Variants in SVIL observed in about 807,000 individuals in gnomAD.
SVIL encodes the protein archvillin.
In SVIL, 101 loss-of-function variants were observed where a neutral mutation model predicts 240.4. The observed-to-expected ratio is 0.42, with a 90% CI of 0.36 to 0.50. SVIL has a LOEUF of 0.50. Ranked by LOEUF, SVIL falls within the 20% of genes least tolerant of loss-of-function variation. The pLI, the probability that SVIL is intolerant of heterozygous loss-of-function variation, is 0.01. For synonymous variants in SVIL, 999 were observed against 1,100.0 expected, an observed-to-expected ratio of 0.91 and a Z score of 1.82; for missense variants, 2,512 against 2,818.7, an observed-to-expected ratio of 0.89 and a Z score of 2.46.
intron 1 of SVIL, among the ~76,000 whole-genome samples, chr10:29,612,461 T>C (rs1329128178): frequency 6.6e-6 from 1 of 152,152 alleles, no homozygotes; most frequent in Non-Finnish European, 1.5e-5. Flanking sequence ...GGTGGAATTA[T>C]AGGGGAATCA....
At chr10:29,708,756 C>A (rs1397396392) in intron 1 of SVIL, among the ~76,000 whole-genome samples, 1 of 152,074 alleles carries the variant, frequency 6.6e-6, no homozygotes, top group Non-Finnish European at 1.5e-5. Context: ...GGGAAGCCTG[C>A]TGGGTGTGGG....
chr10:29,618,689 T>C (rs777026641), intron 1 of SVIL, among the ~76,000 whole-genome samples: 10 of 152,162 alleles, frequency 6.6e-5, no homozygotes, highest in Non-Finnish European at 8.8e-5. Flanking sequence ...ACTACTCCTT[T>C]CCTTCCAGGT....
intron 36 of SVIL, among the ~76,000 whole-genome samples, chr10:29,461,253 A>G (rs1944223828): frequency 6.6e-6 from 1 of 152,220 alleles, no homozygotes; most frequent in South Asian, 2.1e-4. Context: ...TGCAGCAGCC[A>G]TAGAGCTCGT....
intron 1 of SVIL, among the ~76,000 whole-genome samples, chr10:29,627,927 A>G (rs1957938554): frequency 1.3e-5 from 2 of 152,260 alleles, no homozygotes; most frequent in Non-Finnish European, 2.9e-5. Flanking sequence ...AATTAAGACT[A>G]TCAGCACAAT....
rs1275775519 is a variant in SVIL at position 29,465,592 on chromosome 10, T to G, written c.6133+3A>C. The G allele has an allele frequency of 6.2e-7, 1 of 1,603,176 alleles. No homozygotes were observed. Among genetic ancestry groups the G allele is most frequent in the Non-Finnish European group, 8.5e-7 (1 of 1,174,374 alleles). ...CAGCATAGCTGCCCCCTGCAGGCCT[T>G]ACCTGGCTGGGGCGCGCTGTACAGA... On this transcript the variant is annotated splice_donor_region_variant and intron_variant, in intron 34 of 37. Transcript: ENST00000355867.
intron 2 of SVIL, 83 bp from the exon 3 acceptor site, chr10:29,563,375 T>A (rs1156898729): frequency 7.8e-6 from 4 of 513,942 alleles, no homozygotes; most frequent in Non-Finnish European, 1.0e-5. Flanking sequence ...AAAATTATGA[T>A]ATTGTTACAC....
intron 1 of SVIL, among the ~76,000 whole-genome samples, chr10:29,626,749 G>A (rs1361255343): frequency 6.6e-6 from 1 of 152,214 alleles, no homozygotes; most frequent in African/African-American, 2.4e-5. Context: ...ATCAGGCTGG[G>A]CGCGGTGGCT....
intron 17 of SVIL, among the ~76,000 whole-genome samples, chr10:29,504,753 G>A (rs1949142833): frequency 6.6e-6 from 1 of 152,188 alleles, no homozygotes; most frequent in African/African-American, 2.4e-5. Flanking sequence ...TGATGGAAAT[G>A]CAAAATGGTA....
chr10:29,648,932 G>A (rs1187851846), intron 3 of SVIL, among the ~76,000 whole-genome samples: 2 of 152,000 alleles, frequency 1.3e-5, no homozygotes, highest in Admixed American at 1.3e-4. Flanking sequence ...CAGCCCAGGA[G>A]TTTGAGACCA....
rs556196453 is a variant in SVIL at position 29,581,162 on chromosome 10, T to C, written c.-200-11850A>G. Among the ~76,000 whole-genome samples the C allele has an allele frequency of 1.3e-4, 20 of 152,374 alleles. No homozygotes were observed. The South Asian group carries it at 4.1e-3, about 32-fold the overall frequency. On this transcript the variant is annotated intron_variant, in intron 1 of 37. Transcript: ENST00000355867. ...TTTCATAGCCCAGTAAAGGAGCATT[T>C]TGTATGCTAGCAACAGCCATAAATG...
chr10:29,630,741 T>C (rs1186746624), intron 1 of SVIL, among the ~76,000 whole-genome samples: 1 of 151,648 alleles, frequency 6.6e-6, no homozygotes, highest in Non-Finnish European at 1.5e-5. Context: ...TGCATTGTCA[T>C]AGATGAAGGA....
At chr10:29,491,168 T>A in intron 21 of SVIL, 149 bp from the exon 22 acceptor site, 1 of 934,066 alleles carries the variant, frequency 1.1e-6, no homozygotes, top group Non-Finnish European at 1.6e-6. Flanking sequence ...CATGGAGTCG[T>A]AGAATCTTGG....
intron 23 of SVIL, 73 bp downstream of exon 23, chr10:29,488,528 G>A: frequency 7.0e-7 from 1 of 1,424,666 alleles, no homozygotes; most frequent in East Asian, 2.7e-5. Context: ...ATGAATTACA[G>A]AGTCAGGACT....
intron 12 of SVIL, among the ~76,000 whole-genome samples, chr10:29,528,165 A>G (rs899609065): frequency 3.9e-5 from 6 of 152,170 alleles, no homozygotes; most frequent in Admixed American, 3.9e-4. Flanking sequence ...CTGTTATTTT[A>G]CACCAGCCAT....
intron 33 of SVIL, 22 bp downstream of exon 33, chr10:29,467,720 C>T: frequency 5.0e-6 from 8 of 1,613,480 alleles, no homozygotes; most frequent in Non-Finnish European, 6.8e-6. Context: ...AACCAGATCG[C>T]AGACTGTGGA....
intron 13 of SVIL, 89 bp from the exon 14 acceptor site, chr10:29,524,804 A>G (rs1950788068): frequency 6.4e-7 from 1 of 1,567,114 alleles, no homozygotes; most frequent in Non-Finnish European, 8.6e-7. Flanking sequence ...CAAGTGTCAC[A>G]TCATTTTGCA....
At chr10:29,668,226 G>A (rs1211971330) in intron 2 of SVIL, among the ~76,000 whole-genome samples, 1 of 152,178 alleles carries the variant, frequency 6.6e-6, no homozygotes, top group African/African-American at 2.4e-5. Flanking sequence ...GGGCACCAGA[G>A]TGAGACCCTG....
chr10:29,657,687 T>C (rs777687439), intron 3 of SVIL, among the ~76,000 whole-genome samples: 2 of 152,158 alleles, frequency 1.3e-5, no homozygotes, highest in South Asian at 2.1e-4. Flanking sequence ...GCTGTAAGCT[T>C]TCCTGTTCTT....
chr10:29,530,452 C>T (rs1376444262), intron 11 of SVIL, among the ~76,000 whole-genome samples, 155 bp downstream of exon 11: 2 of 152,086 alleles, frequency 1.3e-5, no homozygotes, highest in Non-Finnish European at 2.9e-5. Context: ...CTAAGGCTTA[C>T]AATTTTTATT....
Sources: allele counts gnomAD v4.1 joint callset (sites outside exome capture counted in the v4.1 genomes callset), GRCh38; gene constraint gnomAD v4.1.1; transcripts MANE v1.5; gene names NCBI Gene and HGNC (gene_info 2026-07-23, HGNC 2026-07-21).